CD99: variants seen among roughly 807,000 people sequenced by gnomAD.
CD99 encodes CD99 antigen.
A neutral mutation model predicts 28.4 loss-of-function variants in CD99; 19 were observed. That is an observed-to-expected ratio of 0.67 (90% confidence interval 0.47 to 0.98). The LOEUF (loss-of-function observed/expected upper bound fraction) is 0.98, where lower values mean the gene tolerates loss of function less well. CD99 is among the 50% of genes least tolerant of loss of function. The pLI, the probability that CD99 is intolerant of heterozygous loss-of-function variation, is 0.00. For missense variants in CD99, 283 were observed against 248.8 expected (o/e 1.14, Z -0.92); for synonymous variants, 103 against 92.1 (o/e 1.12, Z -0.67).
chrX:2,717,581 A>T (rs1267797273), intron 2 of CD99, 24 bp from the exon 3 acceptor site: 2 of 1,601,390 alleles, frequency 1.2e-6, no homozygotes, highest in Non-Finnish European at 1.7e-6. Context: ...AACTTTTACT[A>T]ACTGAAATAT....
At chrX:2,714,364 T>C in intron 1 of CD99, 58 bp from the exon 2 acceptor site, 1 of 1,334,782 alleles carries the variant, frequency 7.5e-7, no homozygotes, top group Non-Finnish European at 1.1e-6. Flanking sequence ...ATCTCTATAA[T>C]ATTCAAATTT....
chrX:2,725,957 TG>T (rs1404702443), intron 7 of CD99, among the ~76,000 whole-genome samples: 2 of 152,122 alleles, frequency 1.3e-5, no homozygotes, highest in Non-Finnish European at 2.9e-5. Flanking sequence ...GTCTCTGCCT[TG>T]GTTCTGCTGA....
In CD99 at chrX:2,710,560, C is replaced by T. The variant is rs140765847; in HGVS notation, c.68-3862C>T. On this transcript the variant is annotated intron_variant, in intron 1 of 9. Transcript: ENST00000381192. ...TGCTTTTTTTTCTTTAACATTCTGA[C>T]AGTTCTGTCTGCTTATTATTAAGTC... is the stretch of plus-strand genomic sequence containing the variant. 1.9e-3 allele frequency among the ~76,000 whole-genome samples: 294 copies of T among 150,844 alleles called. 1 individual carries two copies. The highest frequency in any genetic ancestry group is 6.8e-3 in the Middle Eastern group (2 of 292).
chrX:2,733,037 C>T (rs908989705), intron 8 of CD99, among the ~76,000 whole-genome samples: 1 of 139,460 alleles, frequency 7.2e-6, no homozygotes, highest in African/African-American at 2.8e-5. Context: ...TTTTTCCAAC[C>T]TCCTTCCCTC....
chrX:2,721,533 C>T (rs1381993460), intron 5 of CD99, among the ~76,000 whole-genome samples: 2 of 152,122 alleles, frequency 1.3e-5, no homozygotes, highest in Non-Finnish European at 1.5e-5. Flanking sequence ...TGGCCTCAAG[C>T]AGTCCTCTTG....
intron 5 of CD99, among the ~76,000 whole-genome samples, chrX:2,720,746 T>A (rs1399185901): frequency 1.4e-5 from 2 of 147,700 alleles, no homozygotes; most frequent in Non-Finnish European, 1.5e-5. Context: ...TGCATCAGCC[T>A]CCTGAGTAGC....
At chrX:2,731,159 C>T (rs987626477) in intron 8 of CD99, among the ~76,000 whole-genome samples, 9 of 152,120 alleles carry the variant, frequency 5.9e-5, no homozygotes, top group Non-Finnish European at 8.8e-5. Context: ...TGTCAGAGCC[C>T]TCAGCCTCTG....
At chrX:2,703,296 T>C (rs981136269) in intron 1 of CD99, among the ~76,000 whole-genome samples, 15 of 152,120 alleles carry the variant, frequency 9.9e-5, no homozygotes, top group Non-Finnish European at 2.1e-4. Flanking sequence ...CGTCCCTAAG[T>C]ACAGGAAAGC....
chrX:2,691,746 C>G, intron 1 of CD99: 1 of 738,094 alleles, frequency 1.4e-6, no homozygotes, highest in Non-Finnish European at 2.5e-6. Context: ...ATCTCTCTCC[C>G]TTTGCATGAG....
chrX:2,713,310 CAAA>C (rs945766416), intron 1 of CD99, among the ~76,000 whole-genome samples: 1 of 121,912 alleles, frequency 8.2e-6, no homozygotes, highest in African/African-American at 2.5e-5. Flanking sequence ...CATATGCACA[CAAA>C]AAACACACTA....
chrX:2,731,251 G>A (rs759146018), intron 8 of CD99, among the ~76,000 whole-genome samples: 3 of 152,274 alleles, frequency 2.0e-5, no homozygotes, highest in Admixed American at 2.0e-4. Flanking sequence ...TGGGGAGCTT[G>A]GAGATTTCAT....
intron 8 of CD99, among the ~76,000 whole-genome samples, chrX:2,726,909 C>T (rs1364544193): frequency 2.0e-5 from 3 of 152,032 alleles, no homozygotes; most frequent in South Asian, 2.1e-4. Context: ...CCGAGACGGG[C>T]GGATCACGAG....
chrX:2,731,305 A>G (rs2049590302), intron 8 of CD99, among the ~76,000 whole-genome samples: 1 of 152,160 alleles, frequency 6.6e-6, no homozygotes, highest in Non-Finnish European at 1.5e-5. Context: ...TCAAGAAACC[A>G]TGGGCCAGGC....
chrX:2,711,160 C>T lies in CD99; in HGVS notation c.68-3262C>T, dbSNP rs773577464. Among the ~76,000 whole-genome samples the T allele has an allele frequency of 2.3e-4, 34 of 149,496 alleles. 1 individual carries two copies. In the East Asian group the frequency reaches 5.5e-3, roughly 24 times the overall value. ...TGCTGAGATTACAGGTGTGAGCCAC[C>T]GCACCCGGCCCCAGAGATGACTTCT... On this transcript the variant is annotated intron_variant, in intron 1 of 9. Coordinates refer to ENST00000381192, the MANE Select transcript of CD99 (RefSeq NM_002414.5).
At position 2,730,277 on chromosome X, in the gene CD99, A is replaced by G. The variant is rs756199132; in HGVS notation, c.475+3904A>G. ...AGCCTCTGCCTCCCGGGTTCAAGCGACTCTCCTGCCTCAGCTTCCCGAGCA... is the reference window on the plus strand; with the variant it reads ...AGCCTCTGCCTCCCGGGTTCAAGCGGCTCTCCTGCCTCAGCTTCCCGAGCA... On this transcript the variant is annotated intron_variant, in intron 8 of 9. Transcript: ENST00000381192. Among the ~76,000 whole-genome samples the G allele has an allele frequency of 4.0e-5, 6 of 150,168 alleles. No individual in the cohort carries two copies. The East Asian group carries it at 1.2e-3, about 30-fold the overall frequency.
chrX:2,713,121 C>T (rs1261205658), intron 1 of CD99, among the ~76,000 whole-genome samples: 3 of 128,292 alleles, frequency 2.3e-5, no homozygotes, highest in Admixed American at 1.5e-4. Context: ...ACACTACATC[C>T]GCCTACACAT....
chrX:2,737,876 T>TA (rs2050024502), intron 8 of CD99: 1 of 499,978 alleles, frequency 2.0e-6, no homozygotes, highest in Non-Finnish European at 3.7e-6. Flanking sequence ...TTTTTTTTTT[T>TA]ATAGAAAGAG....
At chrX:2,716,836 T>A (rs748248888) in intron 2 of CD99, among the ~76,000 whole-genome samples, 2 of 152,288 alleles carry the variant, frequency 1.3e-5, no homozygotes, top group South Asian at 4.2e-4. Context: ...TTTGCCTGAT[T>A]GGCTTCCATT....
chrX:2,736,865 A>G (rs1240927908), intron 8 of CD99, among the ~76,000 whole-genome samples: 1 of 149,018 alleles, frequency 6.7e-6, no homozygotes, highest in African/African-American at 2.5e-5. Context: ...TCAAAGAAAT[A>G]ATAATAATAA....
Sources: gnomAD v4.1 joint callset for allele counts (sites outside exome capture counted in the v4.1 genomes callset) on GRCh38, gnomAD v4.1.1 for gene constraint, MANE v1.5 for transcripts, NCBI Gene and HGNC (gene_info 2026-07-23, HGNC 2026-07-21) for gene names.